The following FUT9 variants were observed in gnomAD, a reference collection of about 807,000 sequenced individuals.
FUT9 encodes the protein fucosyltransferase 9.
FUT9 carries 15 observed loss-of-function variants against 29.7 expected under a neutral mutation model. That is an observed-to-expected ratio of 0.51 (90% CI 0.34 to 0.78). FUT9 has a LOEUF of 0.78. Among genes scored for constraint, FUT9 ranks in the 30% least tolerant of loss-of-function variants. The probability of loss-of-function intolerance (pLI) is 0.01; values close to 1 mark genes in which losing one functional copy is unlikely to be tolerated. For synonymous variants in FUT9, 169 were observed against 153.7 expected (o/e 1.10, Z -0.74); for missense variants, 319 against 425.4 (o/e 0.75, Z 2.20).
intron 2 of FUT9, among the ~76,000 whole-genome samples, chr6:96,134,443 C>T (rs1365076791): frequency 6.6e-6 from 1 of 151,752 alleles, no homozygotes. Context: ...TATTCAGGAA[C>T]ATTTATCTAA....
In FUT9 at chr6:96,205,234, T is replaced by A. The variant is rs1157980768; in HGVS notation, c.*999T>A. 6.0e-6 allele frequency: 1 copy of A among 166,994 alleles called. No homozygotes were observed. The highest frequency in any genetic ancestry group is 1.5e-5 in the Non-Finnish European group (1 of 68,084). 10.3% of individuals were successfully genotyped at this position (166,994 alleles called of 1,614,324 possible). ...CTATCATTTGATTTGAGTTCTATCA[T>A]TTAAGAGAGCCTAAATAAAATTATC... is the stretch of plus-strand genomic sequence containing the variant. On this transcript the variant is annotated 3_prime_UTR_variant, in exon 3 of 3. Coordinates refer to ENST00000302103, the MANE Select transcript of FUT9 (RefSeq NM_006581.4).
At position 96,045,223 on chromosome 6, in the gene FUT9, T is replaced by G. The variant is rs148734293; in HGVS notation, c.-98+29011T>G. Among the ~76,000 whole-genome samples the G allele has an allele frequency of 5.9e-4, 90 of 152,296 alleles. No homozygotes were observed. In the East Asian group the frequency reaches 0.015, roughly 25 times the overall value. On this transcript the variant is annotated intron_variant, in intron 1 of 2. Coordinates refer to ENST00000302103, the MANE Select transcript of FUT9 (RefSeq NM_006581.4). ...GCAAATAATGCTGGATTAAAATGAC[T>G]GGTGGAAATGTCAGAGCAGGAGCTA...
At chr6:96,028,118 GA>G (rs940493908) in intron 1 of FUT9, among the ~76,000 whole-genome samples, 2 of 151,524 alleles carry the variant, frequency 1.3e-5, no homozygotes, top group Non-Finnish European at 3.0e-5. Context: ...TTGTGCAGAA[GA>G]AAAGAGGAAG....
At chr6:96,043,107 G>A (rs200997587) in intron 1 of FUT9, among the ~76,000 whole-genome samples, 112 of 152,086 alleles carry the variant, frequency 7.4e-4, no homozygotes, top group Non-Finnish European at 1.1e-3. Context: ...GCTGGAGTGC[G>A]GTGGCGCGAT....
intron 2 of FUT9, among the ~76,000 whole-genome samples, chr6:96,120,545 A>C (rs1772007108): frequency 7.1e-6 from 1 of 141,180 alleles, no homozygotes; most frequent in Non-Finnish European, 1.5e-5. Context: ...GGCCTCCCAA[A>C]GTGATGGGAT....
intron 1 of FUT9, among the ~76,000 whole-genome samples, chr6:96,096,765 T>C (rs1005663599): frequency 6.6e-6 from 1 of 151,436 alleles, no homozygotes; most frequent in Non-Finnish European, 1.5e-5. Context: ...GCCTACTCTA[T>C]TGAAAATTGC....
chr6:96,110,943 A>C (rs1348725009), intron 1 of FUT9, among the ~76,000 whole-genome samples: 4 of 152,086 alleles, frequency 2.6e-5, no homozygotes, highest in African/African-American at 9.6e-5. Context: ...GATTACAGGC[A>C]TGAGCGACTG....
At chr6:96,126,384 C>A (rs1422359620) in intron 2 of FUT9, among the ~76,000 whole-genome samples, 1 of 152,186 alleles carries the variant, frequency 6.6e-6, no homozygotes, top group Non-Finnish European at 1.5e-5. Flanking sequence ...CAAGAAGTCA[C>A]ACATTACTGC....
At chr6:96,202,494 T>A (rs1235116132) in intron 2 of FUT9, among the ~76,000 whole-genome samples, 1 of 151,962 alleles carries the variant, frequency 6.6e-6, no homozygotes, top group Non-Finnish European at 1.5e-5. Context: ...GTAAGAAAAA[T>A]ATATAAATAA....
chr6:96,046,050 G>T (rs7741098), intron 1 of FUT9, among the ~76,000 whole-genome samples: 1 of 151,354 alleles, frequency 6.6e-6, no homozygotes, highest in Non-Finnish European at 1.5e-5. Context: ...TTCTTTCTTT[G>T]TATGTATATA....
intron 1 of FUT9, among the ~76,000 whole-genome samples, chr6:96,100,022 G>T (rs564643017): frequency 3.2e-4 from 48 of 152,096 alleles, no homozygotes; most frequent in African/African-American, 1.1e-3. Context: ...GAATTGATTC[G>T]ATTTGTTTGT....
chr6:96,200,135 A>G (rs1406414589), intron 2 of FUT9, among the ~76,000 whole-genome samples: 1 of 152,102 alleles, frequency 6.6e-6, no homozygotes, highest in Non-Finnish European at 1.5e-5. Flanking sequence ...ATGGGGATAT[A>G]ATGAGTTAAT....
chr6:96,024,659 G>A (rs117810936), intron 1 of FUT9, among the ~76,000 whole-genome samples: 592 of 151,810 alleles, frequency 3.9e-3, no homozygotes, highest in South Asian at 5.8e-3. Context: ...ATTAGCTGCC[G>A]CAATATCTTA....
At chr6:96,132,281 C>A (rs1427513384) in intron 2 of FUT9, among the ~76,000 whole-genome samples, 1 of 105,174 alleles carries the variant, frequency 9.5e-6, no homozygotes, top group Non-Finnish European at 2.3e-5. Context: ...AGAAAACTGA[C>A]CGAAAAACAA....
intron 1 of FUT9, among the ~76,000 whole-genome samples, chr6:96,048,502 A>C (rs187695408): frequency 1.3e-5 from 2 of 152,342 alleles, no homozygotes; most frequent in East Asian, 3.9e-4. Flanking sequence ...AAGGATTGAC[A>C]AAGAGAAGCA....
chr6:96,047,850 C>T (rs1183408044), intron 1 of FUT9, among the ~76,000 whole-genome samples: 1 of 152,128 alleles, frequency 6.6e-6, no homozygotes, highest in African/African-American at 2.4e-5. Context: ...GTTTTCTATT[C>T]CTGCTATAAC....
intron 2 of FUT9, among the ~76,000 whole-genome samples, chr6:96,121,253 T>A (rs4554330): frequency 0.91 from 137,783 of 152,216 alleles, 63,594 homozygotes; most frequent in East Asian, 1. Flanking sequence ...TGATATATCC[T>A]TACTTTCAAC....
intron 2 of FUT9, among the ~76,000 whole-genome samples, chr6:96,185,968 G>A (rs7776285): frequency 0.91 from 138,711 of 152,078 alleles, 64,620 homozygotes; most frequent in Non-Finnish European, 1. Context: ...TCCAAGGTTC[G>A]AGAAATTTGT....
rs191455134 is a variant in FUT9 at position 96,124,912 on chromosome 6, C to A, written c.-9+10785C>A. Among the ~76,000 whole-genome samples, 248 of 152,308 alleles carry A rather than the reference C, an allele frequency of 1.6e-3. 1 individual carries two copies. The highest frequency in any genetic ancestry group is 5.9e-3 in the African/African-American group (244 of 41,566). On this transcript the variant is annotated intron_variant, in intron 2 of 2. Transcript: ENST00000302103. ...TATTCCAAATAATGTCTCTATCTTGCATTCTGTCTTACTGTTCTACAACCT... is the reference window on the plus strand; with the variant it reads ...TATTCCAAATAATGTCTCTATCTTGAATTCTGTCTTACTGTTCTACAACCT...
Sources: gnomAD v4.1 joint callset for allele counts (sites outside exome capture counted in the v4.1 genomes callset) on GRCh38, gnomAD v4.1.1 for gene constraint, MANE v1.5 for transcripts, NCBI Gene and HGNC (gene_info 2026-07-23, HGNC 2026-07-21) for gene names.